The following TBC1D5 variants were observed in gnomAD, a reference collection of about 807,000 sequenced individuals.
TBC1D5 encodes TBC1 domain family, member 5.
Under a neutral mutation model 100.3 loss-of-function variants are expected in TBC1D5, and 75 were observed. The ratio of observed to expected loss-of-function variants is 0.75; its 90% CI spans 0.62 to 0.91. The LOEUF (loss-of-function observed/expected upper bound fraction) is 0.91, where lower values mean the gene tolerates loss of function less well. Among genes scored for constraint, TBC1D5 ranks in the 40% least tolerant of loss-of-function variants. TBC1D5 has a pLI of 0.00. For missense variants in TBC1D5, 910 were observed against 942.4 expected (o/e 0.97, Z 0.45); for synonymous variants, 323 against 325.6 (o/e 0.99, Z 0.09).
At position 17,618,692 on chromosome 3, in the gene TBC1D5, A is replaced by G. The variant is rs190787531; in HGVS notation, c.-36+5157T>C. Among the ~76,000 whole-genome samples, 532 of 152,372 alleles carry G rather than the reference A, an allele frequency of 3.5e-3. 4 individuals carry two copies. Among genetic ancestry groups the G allele is most frequent in the African/African-American group, 0.012 (504 of 41,590 alleles). ...TAGCAGTGAGCAAAGCTCCATGGGC[A>G]TGGGACCTGCTGAGCCAGGAATGGG... On this transcript the variant is annotated intron_variant, in intron 2 of 21. Coordinates refer to ENST00000253692, the Ensembl canonical transcript of TBC1D5.
intron 3 of TBC1D5, among the ~76,000 whole-genome samples, chr3:17,505,658 T>C (rs1351125607): frequency 6.6e-6 from 1 of 152,200 alleles, no homozygotes; most frequent in Non-Finnish European, 1.5e-5. Flanking sequence ...TATTGTTATC[T>C]TAAATTTAAA....
At chr3:17,200,921 CAT>C (rs1451519678) in intron 18 of TBC1D5, among the ~76,000 whole-genome samples, 1 of 152,136 alleles carries the variant, frequency 6.6e-6, no homozygotes. Context: ...TAATGATAAA[CAT>C]GTGTATTAAG....
intron 13 of TBC1D5, among the ~76,000 whole-genome samples, chr3:17,341,227 C>T (rs1406233621): frequency 6.6e-6 from 1 of 151,844 alleles, no homozygotes; most frequent in African/African-American, 2.4e-5. Context: ...GATGGAGTCT[C>T]GCTCTGTCGC....
At chr3:17,216,767 C>T (rs1037042203) in intron 17 of TBC1D5, among the ~76,000 whole-genome samples, 4 of 152,098 alleles carry the variant, frequency 2.6e-5, no homozygotes, top group Middle Eastern at 3.4e-3. Flanking sequence ...ATATTAGAAC[C>T]GAAAAAGATC....
intron 13 of TBC1D5, among the ~76,000 whole-genome samples, chr3:17,362,557 C>T (rs1242596618): frequency 2.6e-5 from 4 of 152,062 alleles, no homozygotes; most frequent in Non-Finnish European, 5.9e-5. Flanking sequence ...CTTCAACCTC[C>T]ACCTCCTGGG....
chr3:17,587,070 A>G (rs1251553048), intron 2 of TBC1D5, among the ~76,000 whole-genome samples: 2 of 152,056 alleles, frequency 1.3e-5, no homozygotes, highest in Non-Finnish European at 2.9e-5. Context: ...ATCAGTGATG[A>G]CAAGTGAATA....
At chr3:17,695,870 T>G (rs546775404) in intron 1 of TBC1D5, among the ~76,000 whole-genome samples, 1 of 152,266 alleles carries the variant, frequency 6.6e-6, no homozygotes, top group African/African-American at 2.4e-5. Flanking sequence ...TCAGCAAATG[T>G]AAAAGAACAT....
intron 3 of TBC1D5, among the ~76,000 whole-genome samples, chr3:17,504,463 T>A (rs1385399552): frequency 2.0e-5 from 3 of 151,612 alleles, no homozygotes. Flanking sequence ...AAAATAAAAA[T>A]TAAAAAAAAG....
At chr3:17,608,115 G>C (rs575840988) in intron 2 of TBC1D5, among the ~76,000 whole-genome samples, 5 of 152,240 alleles carry the variant, frequency 3.3e-5, no homozygotes, top group African/African-American at 1.2e-4. Flanking sequence ...AAATTAACCA[G>C]GCATGGTGGC....
At chr3:17,527,692 C>G (rs971289718) in intron 2 of TBC1D5, among the ~76,000 whole-genome samples, 2 of 151,884 alleles carry the variant, frequency 1.3e-5, no homozygotes, top group African/African-American at 4.8e-5. Flanking sequence ...AAAAAGCAAC[C>G]ACCACAGAAA....
intron 17 of TBC1D5, among the ~76,000 whole-genome samples, chr3:17,217,977 G>A (rs1302545170): frequency 6.6e-6 from 1 of 151,908 alleles, no homozygotes; most frequent in Non-Finnish European, 1.5e-5. Context: ...TCTTCTAAGG[G>A]TGTTATAACT....
chr3:17,226,473 G>T (rs906855843), intron 17 of TBC1D5, among the ~76,000 whole-genome samples: 1 of 152,048 alleles, frequency 6.6e-6, no homozygotes, highest in African/African-American at 2.4e-5. Context: ...TGCTGGAAAT[G>T]CTGGCTGTTG....
At position 17,321,959 on chromosome 3, in the gene TBC1D5, C is replaced by G. The variant is rs575438972; in HGVS notation, c.996-13825G>C. ...AATAACTAGTTTCTCTGTACTCTTA[C>G]TTTACAGTGAGTCTGCCTGATTTAC... On this transcript the variant is annotated intron_variant, in intron 13 of 21. Transcript: ENST00000253692. Among the ~76,000 whole-genome samples the G allele has an allele frequency of 1.6e-3, 246 of 152,154 alleles. 2 individuals carry two copies. The highest frequency in any genetic ancestry group is 5.7e-3 in the African/African-American group (237 of 41,532).
chr3:17,188,075 T>C (rs1317359652), intron 18 of TBC1D5, among the ~76,000 whole-genome samples: 1 of 152,132 alleles, frequency 6.6e-6, no homozygotes, highest in African/African-American at 2.4e-5. Context: ...CTGTTGGCAG[T>C]GAGGTGTTGA....
chr3:17,292,704 T>G (rs764914612), intron 14 of TBC1D5, among the ~76,000 whole-genome samples: 5 of 152,328 alleles, frequency 3.3e-5, no homozygotes, highest in Admixed American at 2.0e-4. Context: ...ACTACTTTAC[T>G]TCTTGACAAT....
intron 13 of TBC1D5, among the ~76,000 whole-genome samples, chr3:17,344,647 T>C (rs2089586465): frequency 6.6e-6 from 1 of 152,176 alleles, no homozygotes; most frequent in South Asian, 2.1e-4. Context: ...GGAGGCATCA[T>C]GCTACCTGAC....
chr3:17,209,532 C>T (rs1055062936), intron 18 of TBC1D5, among the ~76,000 whole-genome samples: 3 of 152,172 alleles, frequency 2.0e-5, no homozygotes, highest in African/African-American at 7.2e-5. Flanking sequence ...AGACAACCTG[C>T]TCCCTCTGCT....
chr3:17,187,078 AAACTG>A (rs2069220569), intron 18 of TBC1D5, among the ~76,000 whole-genome samples: 1 of 152,120 alleles, frequency 6.6e-6, no homozygotes, highest in Non-Finnish European at 1.5e-5. Flanking sequence ...TTATCACAGG[AAACTG>A]TAGGAATTAG....
At chr3:17,465,043 A>G (rs1359143221) in intron 3 of TBC1D5, 1 of 152,136 alleles carries the variant, frequency 6.6e-6, no homozygotes, top group Non-Finnish European at 1.5e-5. Context: ...CTGCAGAGAA[A>G]AGGCGTGAAA....
Sources: gnomAD v4.1 joint callset for allele counts (sites outside exome capture counted in the v4.1 genomes callset) on GRCh38, gnomAD v4.1.1 for gene constraint, MANE v1.5 for transcripts, NCBI Gene and HGNC (gene_info 2026-07-23, HGNC 2026-07-21) for gene names.